The following AGAP1 variants were observed in gnomAD, a reference collection of about 807,000 sequenced individuals.
AGAP1 encodes the protein arf-GAP with GTPase, ANK repeat and PH domain-containing protein 1.
A neutral mutation model predicts 105.3 loss-of-function variants in AGAP1; 29 were observed. The observed-to-expected ratio is 0.28, with a 90% CI of 0.21 to 0.38. The LOEUF (loss-of-function observed/expected upper bound fraction) is 0.38. AGAP1 is among the 10% of genes least tolerant of loss of function. The pLI, the probability that AGAP1 is intolerant of heterozygous loss-of-function variation, is 1.00. For missense variants in AGAP1, 998 were observed against 1,165.1 expected (o/e 0.86, Z 2.09); for synonymous variants, 509 against 485.9 (o/e 1.05, Z -0.63).
intron 1 of AGAP1, among the ~76,000 whole-genome samples, chr2:235,708,373 A>C (rs748031717): frequency 6.6e-6 from 1 of 152,152 alleles, no homozygotes; most frequent in African/African-American, 2.4e-5. Flanking sequence ...AAGAAATGGC[A>C]TGTGGTGGGT....
At position 235,865,439 on chromosome 2, in the gene AGAP1, C is replaced by G. The variant is rs75169757; in HGVS notation, c.1051-17906C>G. ...CGCCGTGCGCAATCGGGGCTTTATA[C>G]GATTGCTGGAGATGCTGACAGCTCA... On this transcript the variant is annotated intron_variant, in intron 9 of 17. Coordinates refer to ENST00000304032, the MANE Select transcript of AGAP1 (RefSeq NM_001037131.3). This position sits in a 1 kb window ranked among gnomAD's most constrained non-coding sequence, Gnocchi z 6.2. Among the ~76,000 whole-genome samples, 6 of 152,338 alleles carry G rather than the reference C, an allele frequency of 3.9e-5. No homozygotes were observed. The highest frequency in any genetic ancestry group is 8.8e-5 in the Non-Finnish European group (6 of 68,034).
intron 13 of AGAP1, among the ~76,000 whole-genome samples, chr2:235,997,294 G>A (rs1421742409): frequency 6.6e-6 from 1 of 152,154 alleles, no homozygotes; most frequent in Non-Finnish European, 1.5e-5. Flanking sequence ...TCTCCATGTT[G>A]GTCAGGCTGG....
intron 1 of AGAP1, chr2:235,670,432 C>T: frequency 1.8e-6 from 1 of 552,420 alleles, no homozygotes; most frequent in Non-Finnish European, 3.3e-6. Context: ...TCCGGCCGTG[C>T]GCACGCGGCC....
rs563584486 is a variant in AGAP1 at position 235,979,956 on chromosome 2, C to A, written c.1645+11333C>A. Among the ~76,000 whole-genome samples, 2 of 152,220 alleles carry A rather than the reference C, an allele frequency of 1.3e-5. No homozygotes were observed. Among genetic ancestry groups the A allele is most frequent in the South Asian group, 4.2e-4 (2 of 4,812 alleles). On this transcript the variant is annotated intron_variant, in intron 13 of 17. Coordinates refer to ENST00000304032, the MANE Select transcript of AGAP1 (RefSeq NM_001037131.3). The surrounding 1 kb of genome is among the most constrained non-coding windows in gnomAD (Gnocchi z 4.5). ...CTCGTCGCCTTGCTGCCTCTGCATG[C>A]AGTAAAATACAAAAAAAAGAGAGAT...
intron 12 of AGAP1, among the ~76,000 whole-genome samples, chr2:235,944,502 C>T (rs946951455): frequency 6.6e-6 from 1 of 152,218 alleles, no homozygotes; most frequent in Non-Finnish European, 1.5e-5. Context: ...CTTACAAATT[C>T]TTTATGTACT....
Position 235,915,455 on chromosome 2 carries a change from C to T in AGAP1, c.1324+6549C>T, listed in dbSNP as rs572253675. On this transcript the variant is annotated intron_variant, in intron 11 of 17. Coordinates refer to ENST00000304032, the MANE Select transcript of AGAP1 (RefSeq NM_001037131.3). ...TTTGAGAGGCTGAGGCAGGCAGATC[C>T]CCTGAGCCCAAGAGTTCAAGACCGA... Among the ~76,000 whole-genome samples the T allele has an allele frequency of 2.9e-5, 4 of 136,284 alleles. 1 individual carries two copies. Among genetic ancestry groups the T allele is most frequent in the South Asian group, 2.6e-4 (1 of 3,800 alleles). The allele number at this position is 136,284 out of a possible 152,430, so 89.4% of individuals were successfully genotyped here.
At chr2:235,645,084 CAG>C (rs1188192113) in intron 1 of AGAP1, among the ~76,000 whole-genome samples, 2 of 152,014 alleles carry the variant, frequency 1.3e-5, no homozygotes, top group East Asian at 1.9e-4. Context: ...TTAGTAGAGA[CAG>C]GGTTTTACCA....
rs557189407 is a variant in AGAP1 at position 236,036,776 on chromosome 2, A to G, written c.1800+61A>G. The stretch of plus-strand genomic sequence containing the variant: ...CTGCTCAGGGGGAGTGCGGGCCCCA[A>G]GTAATGCCCCAGGGAGGAGAAAATA... On this transcript the variant is annotated intron_variant, in intron 14 of 17. Coordinates refer to ENST00000304032, the MANE Select transcript of AGAP1 (RefSeq NM_001037131.3). The surrounding 1 kb of genome is among the most constrained non-coding windows in gnomAD (Gnocchi z 5.7). 2.3e-5 allele frequency: 36 copies of G among 1,599,904 alleles called. No individual in the cohort carries two copies. In the South Asian group the frequency reaches 3.0e-4, roughly 14 times the overall value.
In AGAP1 at chr2:235,936,814, T is replaced by G. The variant is rs2053014534; in HGVS notation, c.1483+5891T>G. Among the ~76,000 whole-genome samples, 1 of 152,134 alleles carries G rather than the reference T, an allele frequency of 6.6e-6. No homozygotes were observed. Among genetic ancestry groups the G allele is most frequent in the African/African-American group, 2.4e-5 (1 of 41,436 alleles). On this transcript the variant is annotated intron_variant, in intron 12 of 17. Coordinates refer to ENST00000304032, the MANE Select transcript of AGAP1 (RefSeq NM_001037131.3). This position sits in a 1 kb window ranked among gnomAD's most constrained non-coding sequence, Gnocchi z 4.7. ...TGCCTAACACTCGTTTCCCTGGGGATCATCATCTCTGATAACTGAGCTTCC... is the reference window on the plus strand; with the variant it reads ...TGCCTAACACTCGTTTCCCTGGGGAGCATCATCTCTGATAACTGAGCTTCC...
intron 1 of AGAP1, among the ~76,000 whole-genome samples, chr2:235,539,766 G>C (rs1213700566): frequency 6.6e-6 from 1 of 152,158 alleles, no homozygotes; most frequent in Non-Finnish European, 1.5e-5. Flanking sequence ...GTGGGTCCTG[G>C]GGTCACGGGT....
At position 236,058,279 on chromosome 2, in the gene AGAP1, G is replaced by A. The variant is rs2058100367; in HGVS notation, c.2114+8998G>A. Among the ~76,000 whole-genome samples, 1 of 152,136 alleles carries A rather than the reference G, an allele frequency of 6.6e-6. No homozygotes were observed. The highest frequency in any genetic ancestry group is 2.1e-4 in the South Asian group (1 of 4,830). On this transcript the variant is annotated intron_variant, in intron 16 of 17. Transcript: ENST00000304032. The surrounding 1 kb of genome is among the most constrained non-coding windows in gnomAD (Gnocchi z 4.6). ...TCACTTCTTTAGACCCAGGTCTTCT[G>A]TTTTCTTCCTTTACCAGACTGTTGT... is the stretch of plus-strand genomic sequence containing the variant.
intron 1 of AGAP1, chr2:235,670,672 C>G: frequency 4.5e-6 from 3 of 665,710 alleles, no homozygotes; most frequent in Non-Finnish European, 2.7e-6. Flanking sequence ...AGGCCGCGGC[C>G]GGGACCACCC....
At position 235,882,392 on chromosome 2, in the gene AGAP1, G is replaced by C; in HGVS notation, c.1051-953G>C. On this transcript the variant is annotated intron_variant, in intron 9 of 17. Transcript: ENST00000304032. This position sits in a 1 kb window ranked among gnomAD's most constrained non-coding sequence, Gnocchi z 4.6. ...AAATTTCACTCCGCTTCTGCCCAGT[G>C]GTCTCTTTGGTCGGCAGGGTGTTCT... 6.4e-7 allele frequency: 1 copy of C among 1,560,096 alleles called. No individual in the cohort carries two copies. Among genetic ancestry groups the C allele is most frequent in the Non-Finnish European group, 8.8e-7 (1 of 1,137,554 alleles).
rs759386505 is a variant in AGAP1 at position 235,951,194 on chromosome 2, C to G, written c.1484-17268C>G. On this transcript the variant is annotated intron_variant, in intron 12 of 17. Coordinates refer to ENST00000304032, the MANE Select transcript of AGAP1 (RefSeq NM_001037131.3). This position sits in a 1 kb window ranked among gnomAD's most constrained non-coding sequence, Gnocchi z 4.2. ...ACTGTGATGGAGCTGCTTTGAAAGGCTGTGCTTTAGAAGACACTTCCGACT... is the reference window on the plus strand; with the variant it reads ...ACTGTGATGGAGCTGCTTTGAAAGGGTGTGCTTTAGAAGACACTTCCGACT... Among the ~76,000 whole-genome samples the G allele has an allele frequency of 5.3e-5, 8 of 152,182 alleles. No homozygotes were observed. Among genetic ancestry groups the G allele is most frequent in the Non-Finnish European group, 1.2e-4 (8 of 68,028 alleles).
chr2:235,672,834 C>T (rs137985940), intron 1 of AGAP1, among the ~76,000 whole-genome samples: 3 of 152,326 alleles, frequency 2.0e-5, no homozygotes, highest in African/African-American at 7.2e-5. Flanking sequence ...TAGTTCCTCT[C>T]TGGTCAAATG....
intron 1 of AGAP1, among the ~76,000 whole-genome samples, chr2:235,532,881 G>A (rs1943090562): frequency 6.6e-6 from 1 of 152,118 alleles, no homozygotes; most frequent in Non-Finnish European, 1.5e-5. Flanking sequence ...AACAGCCGTG[G>A]GCTACTTTGT....
intron 6 of AGAP1, among the ~76,000 whole-genome samples, chr2:235,755,332 A>G (rs2149741197): frequency 6.9e-6 from 1 of 144,066 alleles, no homozygotes; most frequent in East Asian, 2.5e-4. Context: ...AATTTTTCAA[A>G]AGTCCCTGTT....
intron 13 of AGAP1, among the ~76,000 whole-genome samples, chr2:236,025,908 GTGGATGGATGGATGGATGGATGGA>G (rs1553548831): frequency 1.0e-5 from 1 of 100,314 alleles, no homozygotes; most frequent in African/African-American, 5.2e-5. Flanking sequence ...TCTCGGGTGG[GTGGATGGATGGATGGATGGATGGA>G]TGGATGGATG....
In AGAP1 at chr2:235,535,020, C is replaced by T. The variant is rs1943164059; in HGVS notation, c.163+40171C>T. ...CCAGGATGCTTTTTTCCTCCAAATG[C>T]CTCTCACCTATTCCCAGATACTCGC... On this transcript the variant is annotated intron_variant, in intron 1 of 17. Transcript: ENST00000304032. This position sits in a 1 kb window ranked among gnomAD's most constrained non-coding sequence, Gnocchi z 5.1. Among the ~76,000 whole-genome samples, 1 of 152,150 alleles carries T rather than the reference C, an allele frequency of 6.6e-6. No homozygotes were observed. The highest frequency in any genetic ancestry group is 2.4e-5 in the African/African-American group (1 of 41,416).
Sources: allele counts gnomAD v4.1 joint callset (sites outside exome capture counted in the v4.1 genomes callset), GRCh38; gene constraint gnomAD v4.1.1; non-coding constraint Gnocchi (gnomAD v3.1); transcripts MANE v1.5; gene names NCBI Gene and HGNC (gene_info 2026-07-23, HGNC 2026-07-21).